The following RC3H1 variants were observed in gnomAD, a reference collection of about 807,000 sequenced individuals.
RC3H1 encodes the protein roquin-1.
In RC3H1, 50 loss-of-function variants were observed where a neutral mutation model predicts 138.2. The ratio of observed to expected loss-of-function variants is 0.36; its 90% CI spans 0.29 to 0.46. The LOEUF (loss-of-function observed/expected upper bound fraction) is 0.46, where lower values mean the gene tolerates loss of function less well. RC3H1 is among the 20% of genes least tolerant of loss of function. The pLI is 1.00. For missense variants in RC3H1, 1,031 were observed against 1,388.1 expected (o/e 0.74, Z 4.09); for synonymous variants, 462 against 489.1 (o/e 0.94, Z 0.73).
chr1:173,943,177 T>G (rs1242884906), intron 18 of RC3H1, among the ~76,000 whole-genome samples: 6 of 152,182 alleles, frequency 3.9e-5, no homozygotes, highest in Non-Finnish European at 5.9e-5. Context: ...AAGACTTCCA[T>G]TAAGTTCTTA....
In RC3H1 at chr1:173,938,701, A is replaced by ATC; in HGVS notation, c.*19_*20insGA. 1.9e-6 allele frequency: 3 copies of ATC among 1,563,634 alleles called. No individual in the cohort carries two copies. The highest frequency in any genetic ancestry group is 2.6e-6 in the Non-Finnish European group (3 of 1,150,880). On this transcript the variant is annotated 3_prime_UTR_variant, in exon 20 of 20. Coordinates refer to ENST00000367696, the MANE Select transcript of RC3H1 (RefSeq NM_172071.4). ...ACAAACTGATTAGGAGCAGAAGATAAAAGTAGGACTCCTCATATTTTAAGG... is the reference window on the plus strand; with the variant it reads ...ACAAACTGATTAGGAGCAGAAGATAATCAAGTAGGACTCCTCATATTTTAAGG...
chr1:173,952,061 G>T lies in RC3H1; in HGVS notation c.2448C>A (p.Asp816Glu). 6.2e-7 allele frequency: 1 copy of T among 1,607,666 alleles called. No homozygotes were observed. The highest frequency in any genetic ancestry group is 8.5e-7 in the Non-Finnish European group (1 of 1,176,972). ...DYSQYSPWSC[D>E]TIGSYIGTKD... Reference sequence around the variant, plus strand: ...TGGTTCCAATGTAGGAGCCGATGGTGTCACATGACCAGGGAGAGTATTGGC... The same window carrying T: ...TGGTTCCAATGTAGGAGCCGATGGTTTCACATGACCAGGGAGAGTATTGGC... Residue 816 changes from aspartate (D) to glutamate (E), a missense_variant, in exon 14 of 20, where the codon GAC (aspartate) becomes GAA (glutamate). Transcript: ENST00000367696.
At chr1:173,968,794 T>C (rs1660225422) in intron 9 of RC3H1, among the ~76,000 whole-genome samples, 1 of 152,092 alleles carries the variant, frequency 6.6e-6, no homozygotes, top group African/African-American at 2.4e-5. Flanking sequence ...GCTTCTGATT[T>C]ATAATATAAT....
chr1:173,936,690 C>T lies in RC3H1; in HGVS notation c.*2031G>A, dbSNP rs1159620810. ...ATGTAAAAGGGTTTTAAGTAAAAGT[C>T]AAAAAGCAAACAAAAGCCAAAAAAA... On this transcript the variant is annotated 3_prime_UTR_variant, in exon 20 of 20. Coordinates refer to ENST00000367696, the MANE Select transcript of RC3H1 (RefSeq NM_172071.4). 1.8e-5 allele frequency: 1 copy of T among 54,128 alleles called. No homozygotes were observed. Among genetic ancestry groups the T allele is most frequent in the Non-Finnish European group, 3.9e-5 (1 of 25,706 alleles). The allele number at this position is 54,128 out of a possible 1,614,324, so 3.4% of individuals were successfully genotyped here. A position where few individuals can be genotyped will look rare whatever the true frequency, so the allele number is the denominator to read the frequency against.
intron 2 of RC3H1, 52 bp downstream of exon 2, chr1:173,992,685 CACACACACACACACAGAG>C: frequency 2.7e-6 from 3 of 1,126,702 alleles, no homozygotes; most frequent in African/African-American, 1.6e-5. Flanking sequence ...CACACACACA[CACACACACACACACAGAG>C]AGAGAGAGAG....
At chr1:173,961,043 C>T (rs1356519369) in intron 13 of RC3H1, 34 bp downstream of exon 13, 2 of 1,592,310 alleles carry the variant, frequency 1.3e-6, no homozygotes, top group African/African-American at 2.7e-5. Context: ...CACAAAAAAA[C>T]ACGGATAAAT....
intron 10 of RC3H1, 148 bp downstream of exon 10, chr1:173,964,691 C>G: frequency 1.3e-6 from 1 of 747,064 alleles, no homozygotes; most frequent in Non-Finnish European, 2.1e-6. Flanking sequence ...TTAAAAAACA[C>G]TAGCATGGGA....
chr1:174,011,184 C>T (rs1484646712), intron 1 of RC3H1, among the ~76,000 whole-genome samples: 2 of 151,950 alleles, frequency 1.3e-5, no homozygotes, highest in Non-Finnish European at 2.9e-5. Context: ...AACAGGTTTT[C>T]ATCAACCACA....
chr1:173,988,553 G>A (rs1215211900), intron 2 of RC3H1, among the ~76,000 whole-genome samples: 1 of 152,104 alleles, frequency 6.6e-6, no homozygotes, highest in Non-Finnish European at 1.5e-5. Flanking sequence ...GTCATGTGAG[G>A]GTTTCTGTGT....
At chr1:173,991,439 C>G (rs542069999) in intron 2 of RC3H1, among the ~76,000 whole-genome samples, 17 of 152,182 alleles carry the variant, frequency 1.1e-4, no homozygotes, top group Admixed American at 1.0e-3. Flanking sequence ...TTTTTTACTT[C>G]TTATCTGAAT....
intron 11 of RC3H1, among the ~76,000 whole-genome samples, chr1:173,963,007 A>AT (rs1287517212): frequency 6.6e-6 from 1 of 152,216 alleles, no homozygotes; most frequent in African/African-American, 2.4e-5. Flanking sequence ...CATTTTAAAA[A>AT]TTATAGTACT....
chr1:174,012,676 C>T (rs1661789261), intron 1 of RC3H1, among the ~76,000 whole-genome samples: 1 of 151,182 alleles, frequency 6.6e-6, no homozygotes, highest in Non-Finnish European at 1.5e-5. Context: ...CCCAGCTACT[C>T]GGGAGGCTGA....
At chr1:173,944,174 C>CAA (rs201962234) in intron 17 of RC3H1, among the ~76,000 whole-genome samples, 11 of 57,496 alleles carry the variant, frequency 1.9e-4, no homozygotes, top group South Asian at 6.4e-4. Flanking sequence ...CTTTGTCTCT[C>CAA]AAAAAAAAAA....
chr1:173,982,798 G>A lies in RC3H1; in HGVS notation c.697C>T (p.Arg233Trp), dbSNP rs756710250. Residue 233 changes from arginine to tryptophan, a missense_variant, in exon 5 of 20, where the codon CGG becomes TGG. Transcript: ENST00000367696. ...CTAGTTTTAGAGGCTTGAGGAAACC[G>A]TGGCTCCAATCTTTGCACCACAAAC... ...VLFVVQRLEP[R>W]FPQASKTSIG... 2.5e-6 allele frequency: 4 copies of A among 1,613,864 alleles called. No homozygotes were observed. The South Asian group carries it at 3.3e-5, about 13-fold the overall frequency.
At position 173,966,620 on chromosome 1, in the gene RC3H1, C is replaced by G. The variant is rs557190474; in HGVS notation, c.1335-1500G>C. ...GTCCCAGCTACTCAGGAGGCTGAGACAGGAGAATTGCTTGAGCCCGGGAGG... is the reference window on the plus strand; with the variant it reads ...GTCCCAGCTACTCAGGAGGCTGAGAGAGGAGAATTGCTTGAGCCCGGGAGG... On this transcript the variant is annotated intron_variant, in intron 9 of 19. Transcript: ENST00000367696. Among the ~76,000 whole-genome samples, 34 of 151,790 alleles carry G rather than the reference C, an allele frequency of 2.2e-4. 1 individual carries two copies. The South Asian group carries it at 7.1e-3, about 32-fold the overall frequency.
chr1:173,952,218 G>T, intron 13 of RC3H1, 80 bp from the exon 14 acceptor site: 2 of 990,936 alleles, frequency 2.0e-6, no homozygotes, highest in Non-Finnish European at 2.7e-6. Context: ...TGAGTAACAA[G>T]ACAGAGAAAG....
At chr1:173,958,835 C>T (rs558168889) in intron 13 of RC3H1, among the ~76,000 whole-genome samples, 1 of 151,242 alleles carries the variant, frequency 6.6e-6, no homozygotes, top group Admixed American at 6.6e-5. Context: ...CTGATTTTCA[C>T]TATCTATATT....
At chr1:174,001,568 C>A (rs1160535510) in intron 1 of RC3H1, among the ~76,000 whole-genome samples, 1 of 152,064 alleles carries the variant, frequency 6.6e-6, no homozygotes, top group Non-Finnish European at 1.5e-5. Context: ...TGCAGAGTAG[C>A]TGGGATTACA....
In RC3H1 at chr1:173,964,242, T is replaced by C; in HGVS notation, c.1617-55A>G. 2.2e-6 allele frequency: 3 copies of C among 1,355,670 alleles called. No homozygotes were observed. In the South Asian group the frequency reaches 3.6e-5, roughly 16 times the overall value. The allele number at this position is 1,355,670 out of a possible 1,614,324, so 84.0% of individuals were successfully genotyped here. ...AAAAAATACTTCTCATGTGCATAAA[T>C]TGTTACAAGTAAAAAAGATTGCTAC... is the stretch of plus-strand genomic sequence containing the variant. On this transcript the variant is annotated intron_variant, in intron 10 of 19. Transcript: ENST00000367696.
Sources: gnomAD v4.1 joint callset for allele counts (sites outside exome capture counted in the v4.1 genomes callset) on GRCh38, gnomAD v4.1.1 for gene constraint, MANE v1.5 for transcripts, NCBI Gene and HGNC (gene_info 2026-07-23, HGNC 2026-07-21) for gene names.